The following FTO variants were observed in gnomAD, a reference collection of about 807,000 sequenced individuals.
FTO encodes the protein FTO alpha-ketoglutarate dependent dioxygenase.
FTO carries 47 observed loss-of-function variants against 63.9 expected under a neutral mutation model. The observed-to-expected ratio is 0.74, with a 90% CI of 0.58 to 0.94. The LOEUF (loss-of-function observed/expected upper bound fraction) is 0.94. Among genes scored for constraint, FTO ranks in the 40% least tolerant of loss-of-function variants. The pLI, the probability that FTO is intolerant of heterozygous loss-of-function variation, is 0.00. For missense variants in FTO, 562 were observed against 618.1 expected, an observed-to-expected ratio of 0.91 and a Z score of 0.96; for synonymous variants, 207 against 224.4, an observed-to-expected ratio of 0.92 and a Z score of 0.69.
At chr16:54,101,226 C>A (rs78149933) in intron 8 of FTO, among the ~76,000 whole-genome samples, 2 of 151,794 alleles carry the variant, frequency 1.3e-5, no homozygotes, top group African/African-American at 4.8e-5. Flanking sequence ...TATTTCATCA[C>A]CCGGTTATTA....
chr16:53,908,462 G>A (rs1436058067), intron 7 of FTO, among the ~76,000 whole-genome samples: 1 of 152,152 alleles, frequency 6.6e-6, no homozygotes, highest in African/African-American at 2.4e-5. Context: ...AAAGGTCCAG[G>A]TTCCTGGGGG....
At chr16:53,708,240 CCT>C (rs1473629542) in intron 1 of FTO, among the ~76,000 whole-genome samples, 1 of 152,120 alleles carries the variant, frequency 6.6e-6, no homozygotes, top group African/African-American at 2.4e-5. Flanking sequence ...GTGGCACATG[CCT>C]GTAATTCTAG....
At chr16:54,110,838 T>C (rs1218893996) in intron 8 of FTO, among the ~76,000 whole-genome samples, 1 of 152,258 alleles carries the variant, frequency 6.6e-6, no homozygotes, top group Non-Finnish European at 1.5e-5. Flanking sequence ...CACTGCCACG[T>C]ACTCCAGGAG....
At chr16:54,103,184 G>A (rs1262425662) in intron 8 of FTO, among the ~76,000 whole-genome samples, 1 of 152,122 alleles carries the variant, frequency 6.6e-6, no homozygotes, top group Non-Finnish European at 1.5e-5. Context: ...TTGAAAAATG[G>A]ATGGTATTTA....
chr16:53,717,315 T>C (rs1425968033), intron 1 of FTO, among the ~76,000 whole-genome samples: 1 of 152,042 alleles, frequency 6.6e-6, no homozygotes, highest in African/African-American at 2.4e-5. Context: ...AAAACAAAAA[T>C]GTTTGCTGAT....
At chr16:53,898,289 C>T (rs991209761) in intron 7 of FTO, among the ~76,000 whole-genome samples, 3 of 152,096 alleles carry the variant, frequency 2.0e-5, no homozygotes, top group Non-Finnish European at 4.4e-5. Context: ...TTGCATGTGC[C>T]GCTGCCTTTG....
chr16:53,816,599 A>T (rs1467923965), intron 2 of FTO, among the ~76,000 whole-genome samples: 1 of 151,072 alleles, frequency 6.6e-6, no homozygotes, highest in Non-Finnish European at 1.5e-5. Flanking sequence ...TGTTCCCTCA[A>T]CCTGGAACTC....
At chr16:54,033,825 A>G (rs2084883372) in intron 8 of FTO, among the ~76,000 whole-genome samples, 2 of 152,356 alleles carry the variant, frequency 1.3e-5, no homozygotes, top group Admixed American at 1.3e-4. Flanking sequence ...CTTAAAATAA[A>G]TAAATAAAGC....
chr16:54,048,364 G>T (rs2144314846), intron 8 of FTO, among the ~76,000 whole-genome samples: 1 of 151,928 alleles, frequency 6.6e-6, no homozygotes, highest in Non-Finnish European at 1.5e-5. Flanking sequence ...CTCCCTTCAT[G>T]GAAGGCCCCA....
At chr16:53,817,111 T>C (rs914804854) in intron 2 of FTO, among the ~76,000 whole-genome samples, 5 of 152,362 alleles carry the variant, frequency 3.3e-5, no homozygotes, top group Non-Finnish European at 2.9e-5. Context: ...TCCTTGTATG[T>C]CTGGCACTTT....
In FTO at chr16:54,060,819, T is replaced by C. The variant is rs143873078; in HGVS notation, c.1365-50943T>C. Among the ~76,000 whole-genome samples the C allele has an allele frequency of 3.5e-3, 530 of 152,346 alleles. 4 individuals are homozygous for C. Among genetic ancestry groups the C allele is most frequent in the African/African-American group, 0.012 (506 of 41,582 alleles). On this transcript the variant is annotated intron_variant, in intron 8 of 8. Coordinates refer to ENST00000471389, the MANE Select transcript of FTO (RefSeq NM_001080432.3). ...CGGCAGCAAAGCACCACTCCCTTGC[T>C]GCTATTCATATTTACTTTCTATTCA...
intron 7 of FTO, among the ~76,000 whole-genome samples, chr16:53,902,563 A>T (rs2151928282): frequency 6.6e-6 from 1 of 152,328 alleles, no homozygotes; most frequent in South Asian, 2.1e-4. Context: ...TGGACCTGGC[A>T]TATCAAAATG....
intron 3 of FTO, among the ~76,000 whole-genome samples, chr16:53,843,563 G>A (rs750745971): frequency 3.9e-5 from 6 of 152,114 alleles, no homozygotes; most frequent in East Asian, 1.9e-4. Context: ...TCTTACTGAT[G>A]TATAGTTGCT....
chr16:53,996,401 G>T (rs1214744661), intron 8 of FTO, among the ~76,000 whole-genome samples: 1 of 152,176 alleles, frequency 6.6e-6, no homozygotes, highest in Non-Finnish European at 1.5e-5. Context: ...TCTGTTAGGT[G>T]TAAGGAAGAC....
intron 1 of FTO, among the ~76,000 whole-genome samples, chr16:53,762,998 T>G (rs2151608138): frequency 6.6e-6 from 1 of 152,312 alleles, no homozygotes; most frequent in Middle Eastern, 3.4e-3. Context: ...ATCTTACTTT[T>G]AAACAGAAGA....
intron 8 of FTO, among the ~76,000 whole-genome samples, chr16:54,019,728 G>A (rs1284790288): frequency 1.3e-5 from 2 of 152,158 alleles, no homozygotes; most frequent in African/African-American, 4.8e-5. Context: ...TTGACATCCA[G>A]GATACCATTG....
chr16:53,802,166 T>C (rs1032098654), intron 1 of FTO, among the ~76,000 whole-genome samples: 1 of 152,222 alleles, frequency 6.6e-6, no homozygotes, highest in African/African-American at 2.4e-5. Flanking sequence ...TAAAAATTCA[T>C]GGATTCTCAA....
At position 53,942,416 on chromosome 16, in the gene FTO, T is replaced by A. The variant is rs145677876; in HGVS notation, c.1364+8307T>A. ...ACATGGTCTCCTCCCTGAGCCACCATTCCTAATTTGTTGACTTTCCTAGAA... is the reference window on the plus strand; with the variant it reads ...ACATGGTCTCCTCCCTGAGCCACCAATCCTAATTTGTTGACTTTCCTAGAA... On this transcript the variant is annotated intron_variant, in intron 8 of 8. Coordinates refer to ENST00000471389, the MANE Select transcript of FTO (RefSeq NM_001080432.3). 4.3e-4 allele frequency among the ~76,000 whole-genome samples: 65 copies of A among 152,264 alleles called. 1 individual carries two copies. The highest frequency in any genetic ancestry group is 1.5e-3 in the African/African-American group (61 of 41,558).
intron 1 of FTO, among the ~76,000 whole-genome samples, chr16:53,720,654 ATCTTTT>A (rs1733730049): frequency 6.8e-6 from 1 of 147,770 alleles, no homozygotes; most frequent in Non-Finnish European, 1.5e-5. Flanking sequence ...ATATATATAT[ATCTTTT>A]ATATATATAT....
Sources: gnomAD v4.1 joint callset for allele counts (sites outside exome capture counted in the v4.1 genomes callset) on GRCh38, gnomAD v4.1.1 for gene constraint, MANE v1.5 for transcripts, NCBI Gene and HGNC (gene_info 2026-07-23, HGNC 2026-07-21) for gene names.